Variants in TNFRSF10B observed in about 807,000 individuals in gnomAD.
TNFRSF10B encodes the protein TNF receptor superfamily member 10b.
Under a neutral mutation model 41.4 loss-of-function variants are expected in TNFRSF10B, and 35 were observed. That is an observed-to-expected ratio of 0.85 (90% CI 0.65 to 1.12). The LOEUF (loss-of-function observed/expected upper bound fraction) is 1.12. TNFRSF10B is among the 50% of genes most tolerant of loss of function. The pLI, the probability that TNFRSF10B is intolerant of heterozygous loss-of-function variation, is 0.00. For missense variants in TNFRSF10B, 584 were observed against 552.7 expected (o/e 1.06, Z -0.57); for synonymous variants, 230 against 215.5 (o/e 1.07, Z -0.59).
chr8:23,040,732 C>T (rs76730447), intron 2 of TNFRSF10B, among the ~76,000 whole-genome samples: 1,640 of 151,850 alleles, frequency 0.011, 34 homozygotes, highest in African/African-American at 0.037. Flanking sequence ...TAAAAACAAA[C>T]GCAAAAAATA....
chr8:23,060,579 CCTA>C (rs1158787785), intron 1 of TNFRSF10B, among the ~76,000 whole-genome samples: 4 of 152,190 alleles, frequency 2.6e-5, no homozygotes, highest in Non-Finnish European at 4.4e-5. Flanking sequence ...AAGTGTGAAT[CCTA>C]CTACATTTTT....
chr8:23,030,463 C>A (rs1447445392), intron 3 of TNFRSF10B, among the ~76,000 whole-genome samples: 1 of 152,026 alleles, frequency 6.6e-6, no homozygotes, highest in African/African-American at 2.4e-5. Flanking sequence ...CAGGCACGCG[C>A]CACCATGCCC....
At chr8:23,065,025 A>G (rs553891170) in intron 1 of TNFRSF10B, among the ~76,000 whole-genome samples, 1 of 152,122 alleles carries the variant, frequency 6.6e-6, no homozygotes, top group East Asian at 1.9e-4. Context: ...CAGCACAGCC[A>G]CTCTGGAGGT....
intron 1 of TNFRSF10B, 194 bp downstream of exon 1, chr8:23,068,557 G>T: frequency 1.3e-6 from 1 of 798,560 alleles, no homozygotes; most frequent in Non-Finnish European, 1.9e-6. Flanking sequence ...TCTGTTCCCT[G>T]GCGGCCCAGG....
intron 1 of TNFRSF10B, among the ~76,000 whole-genome samples, chr8:23,058,264 C>T (rs1812727019): frequency 6.6e-6 from 1 of 152,066 alleles, no homozygotes; most frequent in South Asian, 2.1e-4. Context: ...AATTCCATCT[C>T]TTATAAACAT....
In TNFRSF10B at chr8:23,022,344, A is replaced by G. The variant is rs189073621; in HGVS notation, c.*327T>C. On this transcript the variant is annotated 3_prime_UTR_variant, in exon 9 of 9. Coordinates refer to ENST00000276431, the MANE Select transcript of TNFRSF10B (RefSeq NM_003842.5). ...GTAGATGGATCTTACAATGTAGCCC[A>G]AATAAATAAATAAAGCATTTACATT... 3 of 478,838 alleles carry G rather than the reference A, an allele frequency of 6.3e-6. No homozygotes were observed. Among genetic ancestry groups the G allele is most frequent in the African/African-American group, 2.0e-5 (1 of 51,140 alleles). The allele number at this position is 478,838 out of a possible 1,614,324, so 29.7% of individuals were successfully genotyped here.
rs752268796 is a variant in TNFRSF10B, at chr8:23,021,574, T to C, written c.*1097A>G. On this transcript the variant is annotated 3_prime_UTR_variant, in exon 9 of 9. Coordinates refer to ENST00000276431, the MANE Select transcript of TNFRSF10B (RefSeq NM_003842.5). ...TTATGTGTGATCTAACCCATCTGCC[T>C]CTGTCCCAGCCTGTCCATAGATGGG... The C allele has an allele frequency of 6.6e-6, 3 of 454,166 alleles. No individual in the cohort carries two copies. The highest frequency in any genetic ancestry group is 1.3e-5 in the Non-Finnish European group (3 of 226,802). The allele number at this position is 454,166 out of a possible 1,614,324, so 28.1% of individuals were successfully genotyped here. A position where few individuals can be genotyped will look rare whatever the true frequency, so the allele number is the denominator to read the frequency against.
At chr8:23,064,297 CAA>C (rs1402673223) in intron 1 of TNFRSF10B, among the ~76,000 whole-genome samples, 2 of 152,204 alleles carry the variant, frequency 1.3e-5, no homozygotes, top group Non-Finnish European at 2.9e-5. Flanking sequence ...GGAGTAAAAA[CAA>C]GAGAGGTACT....
In TNFRSF10B at chr8:23,020,770, G is replaced by T; in HGVS notation, c.*1901C>A. 1 of 453,804 alleles carries T rather than the reference G, an allele frequency of 2.2e-6. No homozygotes were observed. The highest frequency in any genetic ancestry group is 4.4e-6 in the Non-Finnish European group (1 of 226,766). 28.1% of individuals were successfully genotyped at this position (453,804 alleles called of 1,614,324 possible). ...AGATGCATCTTCTAGGAAGGCCTCT[G>T]TGGAAGGGACAAGGGACCTGGGACC... On this transcript the variant is annotated 3_prime_UTR_variant, in exon 9 of 9. Coordinates refer to ENST00000276431, the MANE Select transcript of TNFRSF10B (RefSeq NM_003842.5).
At chr8:23,045,159 G>A (rs139160499) in intron 1 of TNFRSF10B, among the ~76,000 whole-genome samples, 15 of 151,740 alleles carry the variant, frequency 9.9e-5, no homozygotes, top group Non-Finnish European at 2.2e-4. Context: ...GAACCTGGGA[G>A]GTGAAAGTGG....
chr8:23,062,907 G>C (rs990930773), intron 1 of TNFRSF10B, among the ~76,000 whole-genome samples: 1 of 152,142 alleles, frequency 6.6e-6, no homozygotes, highest in Non-Finnish European at 1.5e-5. Context: ...TTCTGCTATA[G>C]TTGTCTCAGG....
intron 2 of TNFRSF10B, among the ~76,000 whole-genome samples, chr8:23,038,365 T>C (rs998201161): frequency 2.0e-5 from 3 of 152,210 alleles, no homozygotes; most frequent in Non-Finnish European, 4.4e-5. Context: ...GAATACAGAA[T>C]GCACAGCGAA....
intron 1 of TNFRSF10B, among the ~76,000 whole-genome samples, chr8:23,053,192 A>G (rs751562888): frequency 1.6e-4 from 25 of 152,224 alleles, no homozygotes; most frequent in Non-Finnish European, 2.6e-4. Context: ...CCTAGGACAC[A>G]TGGAGCTAGA....
chr8:23,022,747 T>C lies in TNFRSF10B; in HGVS notation c.1247A>G (p.Gln416Arg), dbSNP rs779539123. 16 of 1,614,062 alleles carry C rather than the reference T, an allele frequency of 9.9e-6. No homozygotes were observed. In the South Asian group the frequency reaches 1.6e-4, roughly 17 times the overall value. The change falls in exon 9 of 9, where the codon CAG (glutamine) becomes CGG (arginine). Residue 416 changes from glutamine (Q) to arginine (R), a missense_variant. Transcript: ENST00000276431. Reference sequence around the variant, plus strand: ...GCTCAACAAGTGGTCCTCAATCTTCTGCTTGGCAAGTCTCTCTCCCAGCGT... The same window carrying C: ...GCTCAACAAGTGGTCCTCAATCTTCCGCTTGGCAAGTCTCTCTCCCAGCGT... ...LETLGERLAK[Q>R]KIEDHLLSSG...
At chr8:23,052,580 C>G (rs1427628026) in intron 1 of TNFRSF10B, among the ~76,000 whole-genome samples, 3 of 152,052 alleles carry the variant, frequency 2.0e-5, no homozygotes, top group African/African-American at 7.2e-5. Context: ...GCCACCACGC[C>G]TGGCCAAGGG....
At chr8:23,051,834 T>C (rs1020171255) in intron 1 of TNFRSF10B, among the ~76,000 whole-genome samples, 2 of 152,108 alleles carry the variant, frequency 1.3e-5, no homozygotes, top group South Asian at 2.1e-4. Context: ...TGAGCCACCG[T>C]GCCTGGCCAA....
chr8:23,059,647 C>T (rs1812768810), intron 1 of TNFRSF10B, among the ~76,000 whole-genome samples: 1 of 151,912 alleles, frequency 6.6e-6, no homozygotes, highest in Non-Finnish European at 1.5e-5. Flanking sequence ...GCTGGGACTA[C>T]AGGCGCCTGC....
In TNFRSF10B at chr8:23,022,405, A is replaced by T. The variant is rs1811560740; in HGVS notation, c.*266T>A. On this transcript the variant is annotated 3_prime_UTR_variant, in exon 9 of 9. Transcript: ENST00000276431. ...AGTGCTGTGAAAACAATGACATCCC[A>T]AACCAAATCTCAAAGTACGCACAAA... The T allele has an allele frequency of 1.7e-6, 1 of 603,194 alleles. No individual in the cohort carries two copies. Among genetic ancestry groups the T allele is most frequent in the Admixed American group, 2.1e-5 (1 of 46,958 alleles). 37.4% of individuals were successfully genotyped at this position (603,194 alleles called of 1,614,324 possible).
chr8:23,033,666 A>G (rs183597755), intron 2 of TNFRSF10B, among the ~76,000 whole-genome samples: 102 of 151,074 alleles, frequency 6.8e-4, no homozygotes, highest in African/African-American at 1.9e-3. Flanking sequence ...AAATGCTGGT[A>G]CGCAGCTACT....
Sources: allele counts gnomAD v4.1 joint callset (sites outside exome capture counted in the v4.1 genomes callset), GRCh38; gene constraint gnomAD v4.1.1; transcripts MANE v1.5; gene names NCBI Gene and HGNC (gene_info 2026-07-23, HGNC 2026-07-21).